The following GLIS3 variants were observed in gnomAD, a reference collection of about 807,000 sequenced individuals.
The protein encoded by GLIS3 is zinc finger protein GLIS3.
Under a neutral mutation model 78.6 loss-of-function variants are expected in GLIS3, and 53 were observed. The ratio of observed to expected loss-of-function variants is 0.67; its 90% CI spans 0.54 to 0.85. The LOEUF (loss-of-function observed/expected upper bound fraction) is 0.85. Among genes scored for constraint, GLIS3 ranks in the 40% least tolerant of loss-of-function variants. The pLI is 0.00. For synonymous variants in GLIS3, 684 were observed against 509.9 expected (o/e 1.34, Z -4.60); for missense variants, 1,703 against 1,231.1 (o/e 1.38, Z -5.74).
At chr9:4,228,698 T>G (rs942671155) in intron 2 of GLIS3, among the ~76,000 whole-genome samples, 28 of 152,228 alleles carry the variant, frequency 1.8e-4, no homozygotes, top group Admixed American at 1.8e-3. Context: ...ATCTTTGCTC[T>G]TAATAATCTG....
chr9:4,271,768 T>C (rs1420802452), intron 2 of GLIS3, among the ~76,000 whole-genome samples: 2 of 152,170 alleles, frequency 1.3e-5, no homozygotes, highest in Non-Finnish European at 2.9e-5. Flanking sequence ...ACTGATCTCC[T>C]GCTCTGCTCA....
chr9:4,257,954 C>G (rs59876168), intron 2 of GLIS3, among the ~76,000 whole-genome samples: 3 of 152,022 alleles, frequency 2.0e-5, no homozygotes, highest in African/African-American at 7.3e-5. Context: ...ACATTTATAT[C>G]TAATTTGAAG....
intron 2 of GLIS3, among the ~76,000 whole-genome samples, chr9:4,336,004 A>G (rs1817750684): frequency 6.6e-6 from 1 of 152,104 alleles, no homozygotes; most frequent in Non-Finnish European, 1.5e-5. Context: ...CAGTTAGAAA[A>G]CCTGAGTTTG....
At chr9:4,194,531 A>G (rs1247792594) in intron 2 of GLIS3, among the ~76,000 whole-genome samples, 1 of 152,226 alleles carries the variant, frequency 6.6e-6, no homozygotes, top group African/African-American at 2.4e-5. Context: ...GGATTTCAGC[A>G]TGCCTCAGCC....
intron 4 of GLIS3, among the ~76,000 whole-genome samples, chr9:4,106,599 C>G (rs1174112163): frequency 6.6e-6 from 1 of 152,032 alleles, no homozygotes; most frequent in South Asian, 2.1e-4. Context: ...TCATTTTTTC[C>G]TTGAGTGTGT....
At chr9:3,854,640 T>C (rs1427999919) in intron 9 of GLIS3, among the ~76,000 whole-genome samples, 2 of 151,674 alleles carry the variant, frequency 1.3e-5, no homozygotes, top group Non-Finnish European at 2.9e-5. Context: ...GGGTTCATGC[T>C]ATTCTCCTGC....
At chr9:3,976,934 T>C (rs1237193689) in intron 4 of GLIS3, among the ~76,000 whole-genome samples, 6 of 146,808 alleles carry the variant, frequency 4.1e-5, no homozygotes, top group Non-Finnish European at 5.9e-5. Flanking sequence ...ACTTGTTTAA[T>C]CGCCCAGCAA....
At chr9:4,421,724 A>C in the GLIS3 span, among the ~76,000 whole-genome samples, 1 of 152,230 alleles carries the variant, frequency 6.6e-6, no homozygotes, top group East Asian at 1.9e-4. Flanking sequence ...TGTTAGACAC[A>C]GAAAAGTCCC....
chr9:4,330,545 G>A (rs1018104534), intron 2 of GLIS3, among the ~76,000 whole-genome samples: 10 of 152,096 alleles, frequency 6.6e-5, no homozygotes, highest in Non-Finnish European at 1.3e-4. Context: ...GAAGGGAGGT[G>A]GAGATGAAGG....
At chr9:3,853,218 GT>G (rs1819544942) in intron 9 of GLIS3, among the ~76,000 whole-genome samples, 1 of 152,046 alleles carries the variant, frequency 6.6e-6, no homozygotes, top group South Asian at 2.1e-4. Context: ...AAAGTAAATT[GT>G]TTTTAATGTG....
At chr9:4,162,062 G>A (rs1564135632) in intron 2 of GLIS3, among the ~76,000 whole-genome samples, 1 of 151,994 alleles carries the variant, frequency 6.6e-6, no homozygotes, top group East Asian at 1.9e-4. Flanking sequence ...ATCCTTCCTT[G>A]CCCCTTCCCA....
chr9:3,920,056 T>G (rs1824774731), intron 6 of GLIS3, among the ~76,000 whole-genome samples: 1 of 144,148 alleles, frequency 6.9e-6, no homozygotes, highest in Non-Finnish European at 1.5e-5. Flanking sequence ...CAGGCTGGAG[T>G]GCAGTGGCAC....
chr9:4,159,477 A>C lies in GLIS3; in HGVS notation c.389-33536T>G, dbSNP rs149272911. ...CTCATGTCTGTAATCCCAGCACTTT[A>C]GGAGCCCGAGGCAGGTGGATCACTT... On this transcript the variant is annotated intron_variant, in intron 2 of 10. Transcript: ENST00000381971. Among the ~76,000 whole-genome samples, 384 of 152,274 alleles carry C rather than the reference A, an allele frequency of 2.5e-3. 2 individuals carry two copies. Among genetic ancestry groups the C allele is most frequent in the African/African-American group, 8.8e-3 (364 of 41,566 alleles).
At chr9:3,917,974 G>A (rs187389489) in intron 6 of GLIS3, among the ~76,000 whole-genome samples, 1 of 152,306 alleles carries the variant, frequency 6.6e-6, no homozygotes, top group South Asian at 2.1e-4. Flanking sequence ...TAGAAGGCTA[G>A]TGCTAAGAAT....
At chr9:4,187,137 T>C (rs1042427941) in intron 2 of GLIS3, among the ~76,000 whole-genome samples, 11 of 152,318 alleles carry the variant, frequency 7.2e-5, no homozygotes, top group African/African-American at 2.6e-4. Context: ...AGGTCTAACG[T>C]TTAAGTCTTT....
Position 4,162,260 on chromosome 9 carries a change from AT to A in GLIS3, c.389-36320del, listed in dbSNP as rs530211049. Among the ~76,000 whole-genome samples the A allele has an allele frequency of 7.4e-4, 112 of 152,132 alleles. 1 individual carries two copies. Among genetic ancestry groups the A allele is most frequent in the African/African-American group, 2.5e-3 (103 of 41,478 alleles). On this transcript the variant is annotated intron_variant, in intron 2 of 10. Coordinates refer to ENST00000381971, the MANE Select transcript of GLIS3 (RefSeq NM_001042413.2). The stretch of plus-strand genomic sequence containing the variant: ...AATTACTGGATTAGATCCCACTCTA[AT>A]CCGGTATGACCTCATTTTTTTAACT...
At chr9:4,437,826 A>C in the GLIS3 span, among the ~76,000 whole-genome samples, 1 of 152,222 alleles carries the variant, frequency 6.6e-6, no homozygotes, top group South Asian at 2.1e-4. Context: ...CTTAATGAAT[A>C]GTAAATATAT....
intron 4 of GLIS3, among the ~76,000 whole-genome samples, chr9:3,962,844 G>A (rs890234107): frequency 6.6e-6 from 1 of 151,602 alleles, no homozygotes; most frequent in African/African-American, 2.4e-5. Context: ...TAAAAACTTG[G>A]CAAATGGCAT....
At chr9:4,310,245 G>T (rs1238886511) in intron 3 of GLIS3, among the ~76,000 whole-genome samples, 1 of 152,122 alleles carries the variant, frequency 6.6e-6, no homozygotes, top group Non-Finnish European at 1.5e-5. Context: ...TTACTGACAT[G>T]CTCATGTGGC....
Sources: allele counts gnomAD v4.1 joint callset (sites outside exome capture counted in the v4.1 genomes callset), GRCh38; gene constraint gnomAD v4.1.1; transcripts MANE v1.5; gene names NCBI Gene and HGNC (gene_info 2026-07-23, HGNC 2026-07-21).